IGSF21: variants seen among roughly 807,000 people sequenced by gnomAD.
The protein encoded by IGSF21 is immunoglobulin superfamily member 21.
In IGSF21, 28 loss-of-function variants were observed where a neutral mutation model predicts 46.8. The observed-to-expected ratio is 0.60, with a 90% CI of 0.44 to 0.82. The LOEUF (loss-of-function observed/expected upper bound fraction) is 0.82, where lower values mean the gene tolerates loss of function less well. Ranked by LOEUF, IGSF21 falls within the 40% of genes least tolerant of loss-of-function variation. The pLI, the probability that IGSF21 is intolerant of heterozygous loss-of-function variation, is 0.00. For missense variants in IGSF21, 624 were observed against 665.5 expected (o/e 0.94, Z 0.69); for synonymous variants, 284 against 273.6 (o/e 1.04, Z -0.38).
At chr1:18,231,537 T>G (rs557562451) in intron 2 of IGSF21, among the ~76,000 whole-genome samples, 1 of 152,336 alleles carries the variant, frequency 6.6e-6, no homozygotes, top group African/African-American at 2.4e-5. Flanking sequence ...AGGAAGTATG[T>G]GTAATCATAG....
rs142787640 is a variant in IGSF21, at chr1:18,307,655, G to A, written c.305+15668G>A. Among the ~76,000 whole-genome samples the A allele has an allele frequency of 5.3e-5, 8 of 152,328 alleles. 1 individual carries two copies. Among genetic ancestry groups the A allele is most frequent in the South Asian group, 2.1e-4 (1 of 4,826 alleles). Reference sequence around the variant, plus strand: ...CAGCAGGCTTGGGAAAAGGGGATGCGCAATCCCCATCACCCTTGGCCACGT... The same window carrying A: ...CAGCAGGCTTGGGAAAAGGGGATGCACAATCCCCATCACCCTTGGCCACGT... On this transcript the variant is annotated intron_variant, in intron 3 of 9. Coordinates refer to ENST00000251296, the MANE Select transcript of IGSF21 (RefSeq NM_032880.5).
At position 18,227,987 on chromosome 1, in the gene IGSF21, AT is replaced by A; in HGVS notation, c.161del (p.Met54SerfsTer9). On this transcript the variant is annotated frameshift_variant, in exon 2 of 10. Transcript: ENST00000251296. LOFTEE classifies it high-confidence loss of function. The part of the protein sequence containing the change: ...LKCNFKTDGR[M>X]REIVWYRVTD... ...GTGTAACTTCAAGACAGATGGGCGC[AT>A]GCGGGAGATCGTGTGGTACCGGGTA... is the stretch of plus-strand genomic sequence containing the variant. The A allele has an allele frequency of 6.2e-7, 1 of 1,613,948 alleles. No homozygotes were observed. Among genetic ancestry groups the A allele is most frequent in the Non-Finnish European group, 8.5e-7 (1 of 1,179,868 alleles).
chr1:18,209,895 T>G (rs957080256), intron 1 of IGSF21, among the ~76,000 whole-genome samples: 3 of 152,026 alleles, frequency 2.0e-5, no homozygotes, highest in Admixed American at 6.6e-5. Context: ...GCCCCAGGCC[T>G]TTCTGTCTTC....
At chr1:18,312,886 G>A (rs1362318208) in intron 3 of IGSF21, among the ~76,000 whole-genome samples, 1 of 152,220 alleles carries the variant, frequency 6.6e-6, no homozygotes, top group East Asian at 1.9e-4. Context: ...CACTCACCAT[G>A]TCCAAGTTTG....
At chr1:18,195,943 C>A (rs550735692) in intron 1 of IGSF21, among the ~76,000 whole-genome samples, 1 of 152,276 alleles carries the variant, frequency 6.6e-6, no homozygotes, top group Admixed American at 6.5e-5. Flanking sequence ...GAGGCAGCAG[C>A]CAGCGCAAGT....
intron 2 of IGSF21, among the ~76,000 whole-genome samples, chr1:18,247,354 A>G (rs916306724): frequency 6.6e-6 from 1 of 151,434 alleles, no homozygotes; most frequent in African/African-American, 2.4e-5. Flanking sequence ...TGGGCCATCA[A>G]CTCCTTCATC....
chr1:18,124,829 G>A lies in IGSF21; in HGVS notation c.70+16631G>A, dbSNP rs192082963. On this transcript the variant is annotated intron_variant, in intron 1 of 9. Coordinates refer to ENST00000251296, the MANE Select transcript of IGSF21 (RefSeq NM_032880.5). ...TTACTTAAACAATGTTATTTCCCTCGGAAAGGAGACAGAAGAGGCATATGC... is the reference window on the plus strand; with the variant it reads ...TTACTTAAACAATGTTATTTCCCTCAGAAAGGAGACAGAAGAGGCATATGC... Among the ~76,000 whole-genome samples the A allele has an allele frequency of 5.3e-5, 8 of 152,276 alleles. No individual in the cohort carries two copies. In the South Asian group the frequency reaches 1.2e-3, roughly 24 times the overall value.
intron 4 of IGSF21, among the ~76,000 whole-genome samples, chr1:18,346,910 G>A (rs1454567662): frequency 2.0e-5 from 3 of 152,298 alleles, no homozygotes; most frequent in Admixed American, 1.3e-4. Context: ...GGACACTGTC[G>A]TCTTGAGTGC....
rs555191078 is a variant in IGSF21, at chr1:18,237,164, A to C, written c.183+9154A>C. Among the ~76,000 whole-genome samples the C allele has an allele frequency of 1.4e-4, 22 of 152,338 alleles. No individual in the cohort carries two copies. In the South Asian group the frequency reaches 3.3e-3, roughly 23 times the overall value. On this transcript the variant is annotated intron_variant, in intron 2 of 9. Coordinates refer to ENST00000251296, the MANE Select transcript of IGSF21 (RefSeq NM_032880.5). ...GGTGGCAGCCTCGCTCTCCTCATCG[A>C]GAATGTGAAAGTGGCAGCCGAGAGC...
chr1:18,150,408 C>CGG (rs34970358), intron 1 of IGSF21, among the ~76,000 whole-genome samples: 3 of 151,154 alleles, frequency 2.0e-5, no homozygotes, highest in Non-Finnish European at 4.4e-5. Flanking sequence ...CTTGGCATGG[C>CGG]GGGGGGGGTC....
At chr1:18,296,799 C>A (rs2124570762) in intron 3 of IGSF21, among the ~76,000 whole-genome samples, 1 of 152,342 alleles carries the variant, frequency 6.6e-6, no homozygotes, top group African/African-American at 2.4e-5. Context: ...TCCGCCCACA[C>A]ACATGCTGTG....
At chr1:18,141,436 G>T (rs1003268342) in intron 1 of IGSF21, among the ~76,000 whole-genome samples, 1 of 152,158 alleles carries the variant, frequency 6.6e-6, no homozygotes, top group Non-Finnish European at 1.5e-5. Flanking sequence ...GTTGAGCAGG[G>T]TTGGCTGTCA....
chr1:18,324,703 A>G (rs1264457666), intron 3 of IGSF21, among the ~76,000 whole-genome samples: 2 of 152,108 alleles, frequency 1.3e-5, no homozygotes, highest in Non-Finnish European at 2.9e-5. Flanking sequence ...CAGGTCCCTT[A>G]GCTCAAGGGA....
In IGSF21 at chr1:18,252,044, C is replaced by CTTTTTTTTTTT. The variant is rs1557608067; in HGVS notation, c.183+24034_183+24035insTTTTTTTTTTT. Among the ~76,000 whole-genome samples, 4 of 98,982 alleles carry CTTTTTTTTTTT rather than the reference C, an allele frequency of 4.0e-5. 1 individual carries two copies. Among genetic ancestry groups the CTTTTTTTTTTT allele is most frequent in the Non-Finnish European group, 6.2e-5 (3 of 48,728 alleles). 64.9% of individuals were successfully genotyped at this position (98,982 alleles called of 152,430 possible). On this transcript the variant is annotated intron_variant, in intron 2 of 9. Coordinates refer to ENST00000251296, the MANE Select transcript of IGSF21 (RefSeq NM_032880.5). ...AGGCTGGAACACTTTCTGACCAAGGCGTTTTTTTTTTTTTTTTTTTTTTTG... is the reference window on the plus strand; with the variant it reads ...AGGCTGGAACACTTTCTGACCAAGGCTTTTTTTTTTTGTTTTTTTTTTTTTTTTTTTTTTTG...
chr1:18,246,823 C>G (rs2084788984), intron 2 of IGSF21, among the ~76,000 whole-genome samples: 1 of 152,150 alleles, frequency 6.6e-6, no homozygotes, highest in Non-Finnish European at 1.5e-5. Flanking sequence ...GCCCCAGGCT[C>G]TTGGCAGACT....
At chr1:18,368,341 TAA>T (rs34608095) in intron 6 of IGSF21, among the ~76,000 whole-genome samples, 43,339 of 147,250 alleles carry the variant, frequency 0.29, 6,516 homozygotes, top group East Asian at 0.37. Context: ...CCATCTCTAC[TAA>T]AAAAAAAAAA....
At position 18,342,432 on chromosome 1, in the gene IGSF21, T is replaced by C. The variant is rs557759732; in HGVS notation, c.424+7422T>C. 9.2e-5 allele frequency among the ~76,000 whole-genome samples: 14 copies of C among 152,286 alleles called. No individual in the cohort carries two copies. In the South Asian group the frequency reaches 2.9e-3, roughly 32 times the overall value. Reference sequence around the variant, plus strand: ...AAAATATGGTTTTATTGAGATACAATTCCTATAACATGCAATCCGCTCATG... The same window carrying C: ...AAAATATGGTTTTATTGAGATACAACTCCTATAACATGCAATCCGCTCATG... On this transcript the variant is annotated intron_variant, in intron 4 of 9. Coordinates refer to ENST00000251296, the MANE Select transcript of IGSF21 (RefSeq NM_032880.5).
At chr1:18,351,144 G>A (rs957576455) in intron 4 of IGSF21, among the ~76,000 whole-genome samples, 2 of 152,106 alleles carry the variant, frequency 1.3e-5, no homozygotes, top group Admixed American at 6.6e-5. Flanking sequence ...ACGCTGAGAC[G>A]GAATCTTCAG....
intron 2 of IGSF21, among the ~76,000 whole-genome samples, chr1:18,255,870 A>G (rs748183436): frequency 1.3e-5 from 2 of 152,152 alleles, no homozygotes; most frequent in Non-Finnish European, 2.9e-5. Flanking sequence ...CAACTTGCCC[A>G]GAGGTGCAGG....
Sources: allele counts gnomAD v4.1 joint callset (sites outside exome capture counted in the v4.1 genomes callset), GRCh38; gene constraint gnomAD v4.1.1; transcripts MANE v1.5; gene names NCBI Gene and HGNC (gene_info 2026-07-23, HGNC 2026-07-21).